Variants in GAB1 observed in about 807,000 individuals in gnomAD.
GAB1 encodes the protein GRB2 associated binding protein 1.
Under a neutral mutation model 66.5 loss-of-function variants are expected in GAB1, and 19 were observed. The observed-to-expected ratio is 0.29, with a 90% CI of 0.20 to 0.42. The LOEUF (loss-of-function observed/expected upper bound fraction) is 0.42, where lower values mean the gene tolerates loss of function less well. Ranked by LOEUF, GAB1 falls within the 10% of genes least tolerant of loss-of-function variation. The pLI, the probability that GAB1 is intolerant of heterozygous loss-of-function variation, is 1.00. For missense variants in GAB1, 732 were observed against 858.5 expected (o/e 0.85, Z 1.84); for synonymous variants, 294 against 301.4 (o/e 0.98, Z 0.25).
chr4:143,439,951 C>A, intron 5 of GAB1, 64 bp downstream of exon 5: 1 of 1,399,588 alleles, frequency 7.1e-7, no homozygotes, highest in Non-Finnish European at 1.0e-6. Context: ...ATAATTAGTG[C>A]CATGAGACTA....
At chr4:143,460,545 G>C (rs1735436817) in intron 8 of GAB1, 58 bp downstream of exon 8, 1 of 1,523,708 alleles carries the variant, frequency 6.6e-7, no homozygotes, top group Non-Finnish European at 9.0e-7. Flanking sequence ...ATTCAAGCTA[G>C]AACTGTTCTG....
At chr4:143,430,732 G>A (rs1017535751) in intron 2 of GAB1, among the ~76,000 whole-genome samples, 2 of 152,134 alleles carry the variant, frequency 1.3e-5, no homozygotes, top group Admixed American at 6.6e-5. Flanking sequence ...TGCCTTAAGA[G>A]TACCTTATTG....
chr4:143,425,974 C>T, intron 2 of GAB1: 1 of 715,386 alleles, frequency 1.4e-6, no homozygotes, highest in Admixed American at 2.6e-5. Flanking sequence ...AAATAAACAT[C>T]AGTATCTAAA....
intron 3 of GAB1, among the ~76,000 whole-genome samples, chr4:143,436,651 G>A (rs1733957244): frequency 1.3e-5 from 2 of 152,136 alleles, no homozygotes; most frequent in Admixed American, 6.6e-5. Context: ...CAAAGAGAAG[G>A]AATCAAGCTG....
chr4:143,349,807 C>G (rs1047769337), intron 1 of GAB1: 1 of 1,587,014 alleles, frequency 6.3e-7, no homozygotes, highest in Non-Finnish European at 8.5e-7. Context: ...CTGGCCGGCA[C>G]GGGTCTGCTT....
At chr4:143,375,638 C>G (rs955593227) in intron 1 of GAB1, among the ~76,000 whole-genome samples, 1 of 152,192 alleles carries the variant, frequency 6.6e-6, no homozygotes, top group African/African-American at 2.4e-5. Flanking sequence ...CTTCAGCTAC[C>G]TGTTTAGGAG....
At chr4:143,388,714 C>T (rs1373372676) in intron 1 of GAB1, among the ~76,000 whole-genome samples, 2 of 152,016 alleles carry the variant, frequency 1.3e-5, no homozygotes, top group Non-Finnish European at 2.9e-5. Context: ...TGCGCCCGGC[C>T]TAGAGTTCTA....
rs368401206 is a variant in GAB1, at chr4:143,362,448, C to T, written c.72+25188C>T. Among the ~76,000 whole-genome samples, 118 of 152,110 alleles carry T rather than the reference C, an allele frequency of 7.8e-4. No individual in the cohort carries two copies. In the East Asian group the frequency reaches 0.017, roughly 22 times the overall value. On this transcript the variant is annotated intron_variant, in intron 1 of 9. Coordinates refer to ENST00000262994, the MANE Select transcript of GAB1 (RefSeq NM_002039.4). ...AGAATGGCTACTCCATAGAGCAGCC[C>T]GAGGGCTGCTGGTTGGCTATTTTTA...
At chr4:143,405,845 G>T (rs1732015441) in intron 1 of GAB1, among the ~76,000 whole-genome samples, 1 of 152,038 alleles carries the variant, frequency 6.6e-6, no homozygotes, top group Non-Finnish European at 1.5e-5. Context: ...AGAAAGAAAG[G>T]TGTTGCCAAT....
In GAB1 at chr4:143,422,534, T is replaced by G. The variant is rs189427924; in HGVS notation, c.367+6763T>G. Among the ~76,000 whole-genome samples, 104 of 152,326 alleles carry G rather than the reference T, an allele frequency of 6.8e-4. 1 individual carries two copies. Among genetic ancestry groups the G allele is most frequent in the African/African-American group, 2.4e-3 (99 of 41,592 alleles). ...ACCAATAAGAAAGAGTAGAATTGTT[T>G]CCTAGGGCTTCAACTCTTCTACCAT... On this transcript the variant is annotated intron_variant, in intron 2 of 9. Coordinates refer to ENST00000262994, the MANE Select transcript of GAB1 (RefSeq NM_002039.4).
intron 6 of GAB1, among the ~76,000 whole-genome samples, chr4:143,442,437 CCAG>C (rs1448623087): frequency 6.6e-6 from 1 of 152,050 alleles, no homozygotes; most frequent in East Asian, 1.9e-4. Flanking sequence ...TTTGAAAACT[CCAG>C]TATATTTCAA....
intron 1 of GAB1, among the ~76,000 whole-genome samples, chr4:143,389,799 CT>C (rs1226076149): frequency 6.6e-6 from 1 of 152,098 alleles, no homozygotes; most frequent in African/African-American, 2.4e-5. Context: ...ATTATAAGAG[CT>C]TTTTGGAAGA....
chr4:143,376,262 T>C (rs890678484), intron 1 of GAB1, among the ~76,000 whole-genome samples: 2 of 152,226 alleles, frequency 1.3e-5, no homozygotes, highest in East Asian at 3.8e-4. Flanking sequence ...TTAAGTTTGC[T>C]TACAGATCAT....
intron 1 of GAB1, among the ~76,000 whole-genome samples, chr4:143,390,131 T>C (rs1263448261): frequency 1.3e-5 from 2 of 152,232 alleles, no homozygotes; most frequent in Non-Finnish European, 2.9e-5. Flanking sequence ...GATCTAGGCC[T>C]TGTGTGCAAC....
At chr4:143,460,718 CA>C (rs1284653805) in intron 8 of GAB1, among the ~76,000 whole-genome samples, 2 of 150,940 alleles carry the variant, frequency 1.3e-5, no homozygotes, top group African/African-American at 4.9e-5. Context: ...CACAGCAGCA[CA>C]ACCCTGTAGT....
At chr4:143,342,798 G>A (rs1201233926) in intron 1 of GAB1, among the ~76,000 whole-genome samples, 1 of 151,516 alleles carries the variant, frequency 6.6e-6, no homozygotes, top group Non-Finnish European at 1.5e-5. Flanking sequence ...CCTGACCTCA[G>A]GTGATCCGCC....
chr4:143,455,227 G>T (rs1274446552), intron 6 of GAB1, among the ~76,000 whole-genome samples: 3 of 152,162 alleles, frequency 2.0e-5, no homozygotes, highest in Non-Finnish European at 4.4e-5. Context: ...TGTACCTAAA[G>T]ATCCAGGATA....
At chr4:143,417,298 T>C (rs1732744445) in intron 2 of GAB1, 1 of 257,574 alleles carries the variant, frequency 3.9e-6, no homozygotes, top group Non-Finnish European at 7.6e-6. Flanking sequence ...CTTACAAATC[T>C]TGAATGAGGG....
intron 6 of GAB1, among the ~76,000 whole-genome samples, chr4:143,449,145 G>A (rs1734743583): frequency 1.4e-5 from 2 of 144,056 alleles, no homozygotes; most frequent in Non-Finnish European, 3.0e-5. Context: ...TTGCACTGTG[G>A]TCTGAGAGAC....
Sources: gnomAD v4.1 joint callset for allele counts (sites outside exome capture counted in the v4.1 genomes callset) on GRCh38, gnomAD v4.1.1 for gene constraint, MANE v1.5 for transcripts, NCBI Gene and HGNC (gene_info 2026-07-23, HGNC 2026-07-21) for gene names.